ESRRG: variants seen among roughly 807,000 people sequenced by gnomAD.
ESRRG encodes the protein estrogen-related receptor gamma.
A neutral mutation model predicts 44.0 loss-of-function variants in ESRRG; 13 were observed. The ratio of observed to expected loss-of-function variants is 0.30; its 90% confidence interval spans 0.19 to 0.47. The LOEUF is 0.47. ESRRG is among the 20% of genes least tolerant of loss of function. The probability of loss-of-function intolerance (pLI) is 1.00; values close to 1 mark genes in which losing one functional copy is unlikely to be tolerated. For missense variants in ESRRG, 395 were observed against 580.6 expected, an observed-to-expected ratio of 0.68 and a Z score of 3.29; for synonymous variants, 215 against 214.6, an observed-to-expected ratio of 1.00 and a Z score of -0.02.
chr1:216,648,814 G>T (rs1046482895), intron 3 of ESRRG, among the ~76,000 whole-genome samples: 2 of 152,062 alleles, frequency 1.3e-5, no homozygotes, highest in African/African-American at 4.8e-5. Context: ...AAATGGATTT[G>T]CTTTTGAAAA....
chr1:216,557,712 G>A (rs982244190), intron 5 of ESRRG, among the ~76,000 whole-genome samples: 1 of 152,066 alleles, frequency 6.6e-6, no homozygotes, highest in African/African-American at 2.4e-5. Flanking sequence ...AACTAATAAA[G>A]TTGTAAACCA....
At chr1:217,024,873 G>T (rs2080939044) in intron 1 of ESRRG, among the ~76,000 whole-genome samples, 2 of 152,208 alleles carry the variant, frequency 1.3e-5, no homozygotes, top group Admixed American at 1.3e-4. Flanking sequence ...GAGAGATTAG[G>T]TGACTTGCTC....
intron 2 of ESRRG, among the ~76,000 whole-genome samples, chr1:216,672,812 A>G (rs2075435002): frequency 6.6e-6 from 1 of 152,162 alleles, no homozygotes; most frequent in Non-Finnish European, 1.5e-5. Context: ...GGCTGCAGTG[A>G]GCCAAGATCA....
At chr1:216,696,673 T>C (rs1210071962) in intron 1 of ESRRG, among the ~76,000 whole-genome samples, 1 of 152,182 alleles carries the variant, frequency 6.6e-6, no homozygotes, top group Non-Finnish European at 1.5e-5. Flanking sequence ...AATTAGAGTC[T>C]TCTAATAAGG....
At chr1:216,525,160 G>T (rs1295654153) in intron 5 of ESRRG, among the ~76,000 whole-genome samples, 4 of 152,122 alleles carry the variant, frequency 2.6e-5, no homozygotes, top group Non-Finnish European at 5.9e-5. Context: ...TGACAATACA[G>T]GAAAGACTCA....
chr1:216,949,211 A>C (rs1226296192), intron 1 of ESRRG, among the ~76,000 whole-genome samples: 1 of 152,230 alleles, frequency 6.6e-6, no homozygotes, highest in Non-Finnish European at 1.5e-5. Context: ...GGAGAGAGAA[A>C]ACTTTCCTGG....
At chr1:216,862,857 G>A (rs1157560428) in intron 2 of ESRRG, 13 of 152,232 alleles carry the variant, frequency 8.5e-5, no homozygotes, top group Middle Eastern at 6.8e-3. Flanking sequence ...GTATATGTAC[G>A]TCAAAATGGA....
chr1:216,629,451 G>A (rs1324414558), intron 3 of ESRRG, among the ~76,000 whole-genome samples: 1 of 152,116 alleles, frequency 6.6e-6, no homozygotes, highest in Non-Finnish European at 1.5e-5. Flanking sequence ...AGCAAGTCAA[G>A]TCAGAATGGA....
At chr1:216,520,215 C>G (rs964962099) in intron 5 of ESRRG, among the ~76,000 whole-genome samples, 5 of 152,122 alleles carry the variant, frequency 3.3e-5, no homozygotes, top group Non-Finnish European at 7.4e-5. Flanking sequence ...TAGCTACTGG[C>G]TCTTTCACCT....
At chr1:217,072,711 T>C (rs1329300311) in intron 1 of ESRRG, among the ~76,000 whole-genome samples, 1 of 72,372 alleles carries the variant, frequency 1.4e-5, no homozygotes, top group African/African-American at 5.1e-5. Context: ...GGTGTGTGTG[T>C]TTTTTCTCCT....
At chr1:216,858,133 T>C (rs2095983194) in intron 2 of ESRRG, among the ~76,000 whole-genome samples, 3 of 152,126 alleles carry the variant, frequency 2.0e-5, no homozygotes, top group Admixed American at 2.0e-4. Flanking sequence ...CCATAATACA[T>C]TGTAATTAAA....
At chr1:216,854,852 C>T (rs1232972490) in intron 2 of ESRRG, among the ~76,000 whole-genome samples, 1 of 152,032 alleles carries the variant, frequency 6.6e-6, no homozygotes, top group African/African-American at 2.4e-5. Context: ...CAAAATTGAG[C>T]TGAGGTAAGC....
At chr1:217,038,478 C>G (rs756311913) in intron 1 of ESRRG, among the ~76,000 whole-genome samples, 73 of 152,268 alleles carry the variant, frequency 4.8e-4, no homozygotes, top group Middle Eastern at 3.4e-3. Context: ...TGTCCCCACC[C>G]AAATCTCATC....
intron 1 of ESRRG, among the ~76,000 whole-genome samples, chr1:216,714,094 A>G (rs2789715): frequency 0.99 from 150,582 of 152,276 alleles, 74,476 homozygotes; most frequent in Middle Eastern, 1. Flanking sequence ...TTTCTGCTGT[A>G]ACATTAACTT....
intron 2 of ESRRG, among the ~76,000 whole-genome samples, chr1:216,742,166 G>C (rs1333190665): frequency 6.6e-6 from 1 of 152,246 alleles, no homozygotes; most frequent in African/African-American, 2.4e-5. Flanking sequence ...CACACCAAAT[G>C]CATTCTTATT....
intron 2 of ESRRG, among the ~76,000 whole-genome samples, chr1:216,823,673 G>C (rs1430652496): frequency 3.9e-5 from 6 of 152,064 alleles, no homozygotes; most frequent in African/African-American, 1.4e-4. Context: ...CAACTTTCAG[G>C]TTTTCTAATT....
intron 5 of ESRRG, among the ~76,000 whole-genome samples, chr1:216,538,255 ATT>A (rs1026723361): frequency 8.1e-5 from 8 of 98,428 alleles, no homozygotes; most frequent in African/African-American, 2.0e-4. Flanking sequence ...AAAATTAAAA[ATT>A]TTGTGTGTGT....
chr1:217,103,909 T>G (rs1207508600), intron 1 of ESRRG, among the ~76,000 whole-genome samples: 1 of 151,920 alleles, frequency 6.6e-6, no homozygotes, highest in Non-Finnish European at 1.5e-5. Flanking sequence ...TGAGACAGCG[T>G]GGGGCACTGG....
intron 2 of ESRRG, among the ~76,000 whole-genome samples, chr1:216,763,253 G>A (rs995752307): frequency 6.9e-6 from 1 of 145,572 alleles, no homozygotes; most frequent in Non-Finnish European, 1.5e-5. Flanking sequence ...GTATTTTCAG[G>A]CCATAACATG....
Sources: allele counts gnomAD v4.1 joint callset (sites outside exome capture counted in the v4.1 genomes callset), GRCh38; gene constraint gnomAD v4.1.1; transcripts MANE v1.5; gene names NCBI Gene and HGNC (gene_info 2026-07-23, HGNC 2026-07-21).